SEMA3A: variants seen among roughly 807,000 people sequenced by gnomAD.
The protein encoded by SEMA3A is semaphorin 3A, also known as semaphorin-3A.
Under a neutral mutation model 97.9 loss-of-function variants are expected in SEMA3A, and 29 were observed. That is an observed-to-expected ratio of 0.30 (90% CI 0.22 to 0.40). SEMA3A has a LOEUF of 0.40. Among genes scored for constraint, SEMA3A ranks in the 10% least tolerant of loss-of-function variants. The pLI, the probability that SEMA3A is intolerant of heterozygous loss-of-function variation, is 1.00. For synonymous variants in SEMA3A, 321 were observed against 323.7 expected (o/e 0.99, Z 0.09); for missense variants, 763 against 951.3 (o/e 0.80, Z 2.60).
At chr7:84,143,117 A>G (rs1279285240) in intron 1 of SEMA3A, among the ~76,000 whole-genome samples, 1 of 152,174 alleles carries the variant, frequency 6.6e-6, no homozygotes, top group Non-Finnish European at 1.5e-5. Context: ...TACAGTAATC[A>G]TCTTCTTACA....
chr7:84,246,797 A>T (rs1799486092), intron 3 of SEMA3A, among the ~76,000 whole-genome samples: 2 of 152,242 alleles, frequency 1.3e-5, no homozygotes, highest in East Asian at 1.9e-4. Flanking sequence ...TTGGCTCTGT[A>T]ATTTAACTTT....
At chr7:84,015,126 A>G (rs1382171303) in intron 6 of SEMA3A, among the ~76,000 whole-genome samples, 1 of 152,154 alleles carries the variant, frequency 6.6e-6, no homozygotes, top group Non-Finnish European at 1.5e-5. Flanking sequence ...AATTGGATTT[A>G]TTGTCTGGTA....
At chr7:84,157,393 A>G (rs1489769109) in intron 1 of SEMA3A, among the ~76,000 whole-genome samples, 2 of 152,098 alleles carry the variant, frequency 1.3e-5, no homozygotes, top group Non-Finnish European at 2.9e-5. Flanking sequence ...TTGAGTTCAC[A>G]GTCTTTTGAG....
chr7:84,258,041 A>G (rs1307301262), intron 3 of SEMA3A, among the ~76,000 whole-genome samples: 1 of 152,184 alleles, frequency 6.6e-6, no homozygotes, highest in Non-Finnish European at 1.5e-5. Context: ...TGTCTCATTT[A>G]AAGCTCTGAG....
At chr7:84,229,427 T>G (rs925442471) in intron 3 of SEMA3A, among the ~76,000 whole-genome samples, 56 of 152,280 alleles carry the variant, frequency 3.7e-4, no homozygotes, top group Non-Finnish European at 7.6e-4. Context: ...TTGAGTTTCA[T>G]TATCAATCTA....
intron 1 of SEMA3A, among the ~76,000 whole-genome samples, chr7:84,185,946 C>T (rs1235289955): frequency 6.6e-6 from 1 of 152,116 alleles, no homozygotes; most frequent in Non-Finnish European, 1.5e-5. Context: ...AAGGTCCTCA[C>T]AAGTAGGTGT....
chr7:84,016,630 G>T (rs1382891957), intron 6 of SEMA3A, among the ~76,000 whole-genome samples: 1 of 151,512 alleles, frequency 6.6e-6, no homozygotes, highest in African/African-American at 2.4e-5. Context: ...AGACTCTTCC[G>T]TCTCTGAGCT....
intron 4 of SEMA3A, among the ~76,000 whole-genome samples, chr7:84,066,809 G>C (rs1793522356): frequency 1.3e-5 from 2 of 152,044 alleles, no homozygotes; most frequent in Admixed American, 1.3e-4. Flanking sequence ...ATGCTCATGG[G>C]TAGGAAGAAT....
chr7:83,974,273 A>G (rs1584493856), intron 15 of SEMA3A, among the ~76,000 whole-genome samples: 1 of 152,010 alleles, frequency 6.6e-6, no homozygotes, highest in African/African-American at 2.4e-5. Context: ...CTAGTTCACC[A>G]CTCGAGCCAC....
chr7:84,338,572 T>A (rs1306380202), intron 2 of SEMA3A, among the ~76,000 whole-genome samples: 2 of 152,156 alleles, frequency 1.3e-5, no homozygotes, highest in African/African-American at 4.8e-5. Context: ...CCAGGATTAT[T>A]CCTTTGCAGC....
chr7:84,474,132 A>G (rs940800787), intron 1 of SEMA3A, among the ~76,000 whole-genome samples: 2 of 152,248 alleles, frequency 1.3e-5, no homozygotes, highest in East Asian at 3.8e-4. Context: ...TGACTATAAC[A>G]TAATATTACA....
intron 3 of SEMA3A, among the ~76,000 whole-genome samples, chr7:84,219,167 A>G (rs543549608): frequency 6.6e-6 from 1 of 152,274 alleles, no homozygotes; most frequent in East Asian, 1.9e-4. Flanking sequence ...AAAAATTAAA[A>G]GGACCTTTAC....
At chr7:84,234,716 CT>C (rs756157057) in intron 3 of SEMA3A, among the ~76,000 whole-genome samples, 17 of 152,050 alleles carry the variant, frequency 1.1e-4, no homozygotes, top group Non-Finnish European at 2.2e-4. Flanking sequence ...CCAACACTCA[CT>C]GCAGGCTTAT....
At chr7:84,086,558 T>TTATTATATTATATTTACATATAA (rs1562770342) in intron 4 of SEMA3A, among the ~76,000 whole-genome samples, 65 of 47,920 alleles carry the variant, frequency 1.4e-3, no homozygotes, top group African/African-American at 2.8e-3. Context: ...ATATAATATA[T>TTATTATATTATATTTACATATAA]TATTATATTA....
chr7:84,271,197 G>A (rs755073404), intron 3 of SEMA3A, among the ~76,000 whole-genome samples: 1 of 150,834 alleles, frequency 6.6e-6, no homozygotes, highest in Non-Finnish European at 1.5e-5. Context: ...TTTAATGTTC[G>A]TATTTTTTGA....
intron 1 of SEMA3A, among the ~76,000 whole-genome samples, chr7:84,464,344 G>A (rs1262992758): frequency 4.6e-5 from 7 of 152,188 alleles, no homozygotes; most frequent in African/African-American, 9.6e-5. Context: ...TTATAATGAA[G>A]TGACGATGTA....
intron 13 of SEMA3A, among the ~76,000 whole-genome samples, chr7:83,982,393 T>C (rs2116321774): frequency 6.6e-6 from 1 of 152,354 alleles, no homozygotes; most frequent in Admixed American, 6.5e-5. Context: ...ATTCAGGATT[T>C]CAGTACAACT....
intron 2 of SEMA3A, among the ~76,000 whole-genome samples, chr7:84,359,920 TTG>T (rs1802668914): frequency 6.6e-6 from 1 of 151,316 alleles, no homozygotes; most frequent in South Asian, 2.1e-4. Context: ...TCTAGTTTAT[TTG>T]CGTAGAGGTG....
chr7:84,421,780 G>A (rs2116281094), intron 1 of SEMA3A, among the ~76,000 whole-genome samples: 1 of 152,052 alleles, frequency 6.6e-6, no homozygotes, highest in African/African-American at 2.4e-5. Flanking sequence ...ATAATCATGT[G>A]GTTTTTTTTG....
Sources: gnomAD v4.1 joint callset for allele counts (sites outside exome capture counted in the v4.1 genomes callset) on GRCh38, gnomAD v4.1.1 for gene constraint, MANE v1.5 for transcripts, NCBI Gene and HGNC (gene_info 2026-07-23, HGNC 2026-07-21) for gene names.